CNTN5: variants seen among roughly 807,000 people sequenced by gnomAD.
CNTN5 encodes the protein contactin 5, also known as contactin-5.
In CNTN5, 77 loss-of-function variants were observed where a neutral mutation model predicts 129.1. That is an observed-to-expected ratio of 0.60 (90% CI 0.50 to 0.72). The LOEUF (loss-of-function observed/expected upper bound fraction) is 0.72. Among genes scored for constraint, CNTN5 ranks in the 30% least tolerant of loss-of-function variants. The pLI is 0.00. For missense variants in CNTN5, 1,478 were observed against 1,328.8 expected, an observed-to-expected ratio of 1.11 and a Z score of -1.75; for synonymous variants, 509 against 465.6, an observed-to-expected ratio of 1.09 and a Z score of -1.20.
intron 6 of CNTN5, among the ~76,000 whole-genome samples, chr11:99,902,134 T>C (rs1174416400): frequency 6.6e-6 from 1 of 152,168 alleles, no homozygotes; most frequent in African/African-American, 2.4e-5. Flanking sequence ...GGAAAAGTCA[T>C]TGACTTTCTA....
At chr11:99,803,316 G>A (rs1145385) in intron 3 of CNTN5, among the ~76,000 whole-genome samples, 37,037 of 152,080 alleles carry the variant, frequency 0.24, 5,038 homozygotes, top group Non-Finnish European at 0.32. Flanking sequence ...TGTTACCCTG[G>A]AGAAACCACA....
intron 11 of CNTN5, among the ~76,000 whole-genome samples, chr11:100,071,005 T>G (rs1042291661): frequency 6.6e-5 from 10 of 152,146 alleles, no homozygotes; most frequent in African/African-American, 2.4e-4. Flanking sequence ...TTTTTAATGA[T>G]TTGCTTGGCA....
intron 9 of CNTN5, among the ~76,000 whole-genome samples, chr11:100,016,450 A>G (rs1361418992): frequency 6.6e-6 from 1 of 152,058 alleles, no homozygotes; most frequent in Admixed American, 6.6e-5. Flanking sequence ...TACATGTGCA[A>G]TGTATAATCA....
chr11:99,849,790 T>TA (rs1423137534), intron 6 of CNTN5, among the ~76,000 whole-genome samples: 2 of 152,154 alleles, frequency 1.3e-5, no homozygotes, highest in Admixed American at 6.5e-5. Flanking sequence ...GTTCATGTTG[T>TA]AAAATGTAAA....
At chr11:99,952,577 G>C (rs1950702770) in intron 7 of CNTN5, among the ~76,000 whole-genome samples, 1 of 151,896 alleles carries the variant, frequency 6.6e-6, no homozygotes, top group African/African-American at 2.4e-5. Flanking sequence ...TATCATCCAG[G>C]CTGGAGCGCA....
chr11:99,555,225 A>G (rs961704095), intron 2 of CNTN5, among the ~76,000 whole-genome samples: 6 of 152,038 alleles, frequency 3.9e-5, no homozygotes, highest in Non-Finnish European at 5.9e-5. Flanking sequence ...TAATTTCATA[A>G]GGAGGGATCA....
intron 8 of CNTN5, among the ~76,000 whole-genome samples, chr11:99,982,455 T>G (rs1394741630): frequency 6.6e-6 from 1 of 151,944 alleles, no homozygotes. Context: ...GCAAAGGTAG[T>G]GAAGGTTTTA....
intron 1 of CNTN5, among the ~76,000 whole-genome samples, chr11:99,229,775 C>T (rs958012132): frequency 2.0e-5 from 3 of 152,002 alleles, no homozygotes; most frequent in African/African-American, 7.2e-5. Context: ...AGGCTAGTGT[C>T]AGCTTAACTA....
chr11:99,990,150 T>G (rs1423043490), intron 8 of CNTN5, among the ~76,000 whole-genome samples: 1 of 152,124 alleles, frequency 6.6e-6, no homozygotes, highest in African/African-American at 2.4e-5. Context: ...ATTTCTAAGA[T>G]CTATTTCTAA....
chr11:99,987,390 T>A (rs1938751929), intron 8 of CNTN5, among the ~76,000 whole-genome samples: 1 of 151,866 alleles, frequency 6.6e-6, no homozygotes. Context: ...TAATGAACAA[T>A]GCTATTTCTC....
Position 99,337,477 on chromosome 11 carries a change from G to A in CNTN5, c.-71+11993G>A, listed in dbSNP as rs187212037. Among the ~76,000 whole-genome samples the A allele has an allele frequency of 4.4e-3, 676 of 152,276 alleles. 7 individuals carry two copies. Among genetic ancestry groups the A allele is most frequent in the African/African-American group, 0.015 (640 of 41,550 alleles). On this transcript the variant is annotated intron_variant, in intron 2 of 24. Transcript: ENST00000524871. Reference sequence around the variant, plus strand: ...CTTAAGGGAAACGAAGGGATAGGCCGAATTAATTGCAGCAGGAACACGCCC... The same window carrying A: ...CTTAAGGGAAACGAAGGGATAGGCCAAATTAATTGCAGCAGGAACACGCCC...
chr11:99,432,672 A>G (rs934851547), intron 2 of CNTN5, among the ~76,000 whole-genome samples: 1 of 151,954 alleles, frequency 6.6e-6, no homozygotes, highest in Non-Finnish European at 1.5e-5. Flanking sequence ...TCTATATAGT[A>G]AAAGTCTTTG....
intron 13 of CNTN5, among the ~76,000 whole-genome samples, chr11:100,101,310 A>T (rs1418372192): frequency 6.6e-6 from 1 of 152,116 alleles, no homozygotes; most frequent in Non-Finnish European, 1.5e-5. Flanking sequence ...GTAAACAGAC[A>T]TGATATTCTG....
At position 99,376,840 on chromosome 11, in the gene CNTN5, A is replaced by G. The variant is rs532169804; in HGVS notation, c.-71+51356A>G. Among the ~76,000 whole-genome samples the G allele has an allele frequency of 4.6e-5, 7 of 152,352 alleles. No individual in the cohort carries two copies. The South Asian group carries it at 1.0e-3, about 23-fold the overall frequency. On this transcript the variant is annotated intron_variant, in intron 2 of 24. Transcript: ENST00000524871. ...ATCAGAACAGAGGCTTCCAACAGTT[A>G]AAAATCCTTTCTATTCTCATGATGC... is the stretch of plus-strand genomic sequence containing the variant.
intron 13 of CNTN5, among the ~76,000 whole-genome samples, chr11:100,096,490 G>C (rs1037840074): frequency 6.6e-6 from 1 of 150,420 alleles, no homozygotes; most frequent in African/African-American, 2.5e-5. Flanking sequence ...ATCATCCCCT[G>C]ATACCTGATC....
At chr11:100,282,924 A>G (rs116370879) in intron 18 of CNTN5, among the ~76,000 whole-genome samples, 3,077 of 152,206 alleles carry the variant, frequency 0.02, 108 homozygotes, top group African/African-American at 0.07. Context: ...TTAAGGCCCA[A>G]GGTCTCTTAA....
At chr11:99,639,559 G>GTCTTTTTTTTT (rs1951688894) in intron 3 of CNTN5, among the ~76,000 whole-genome samples, 1 of 70,322 alleles carries the variant, frequency 1.4e-5, no homozygotes, top group South Asian at 6.1e-4. Context: ...TCACCTTTAT[G>GTCTTTTTTTTT]TTTTTTTTTT....
intron 13 of CNTN5, among the ~76,000 whole-genome samples, chr11:100,161,297 A>T (rs1947437283): frequency 6.6e-6 from 1 of 151,886 alleles, no homozygotes; most frequent in Non-Finnish European, 1.5e-5. Context: ...CCCAATAGAG[A>T]TGAAAATGTT....
chr11:99,875,450 A>G (rs1007900562), intron 6 of CNTN5, among the ~76,000 whole-genome samples: 1 of 152,114 alleles, frequency 6.6e-6, no homozygotes, highest in Non-Finnish European at 1.5e-5. Context: ...CTTTTTTTCT[A>G]TATGCTCCTG....
Sources: allele counts gnomAD v4.1 joint callset (sites outside exome capture counted in the v4.1 genomes callset), GRCh38; gene constraint gnomAD v4.1.1; transcripts MANE v1.5; gene names NCBI Gene and HGNC (gene_info 2026-07-23, HGNC 2026-07-21).